VPS35L: variants seen among roughly 807,000 people sequenced by gnomAD.
VPS35L encodes the protein VPS35 endosomal protein-sorting factor-like.
In VPS35L, 83 loss-of-function variants were observed where a neutral mutation model predicts 133.0. The ratio of observed to expected loss-of-function variants is 0.62; its 90% CI spans 0.52 to 0.75. The LOEUF (loss-of-function observed/expected upper bound fraction) is 0.75, where lower values mean the gene tolerates loss of function less well. VPS35L is among the 30% of genes least tolerant of loss of function. The pLI is 0.00. For missense variants in VPS35L, 1,083 were observed against 1,206.8 expected (o/e 0.90, Z 1.52); for synonymous variants, 423 against 449.9 (o/e 0.94, Z 0.76).
chr16:19,666,919 T>TTTCTTCCTTTCTTC (rs1567470455), intron 26 of VPS35L, among the ~76,000 whole-genome samples: 33 of 90,248 alleles, frequency 3.7e-4, no homozygotes, highest in African/African-American at 2.0e-3. Context: ...TTTCTTTCTT[T>TTTCTTCCTTTCTTC]CTTTCTTTCT....
At chr16:19,684,935 A>G (rs1217230438) in intron 28 of VPS35L, among the ~76,000 whole-genome samples, 1 of 152,066 alleles carries the variant, frequency 6.6e-6, no homozygotes, top group Non-Finnish European at 1.5e-5. Flanking sequence ...GCAAGCGCCT[A>G]TAATCCCAGC....
chr16:19,609,320 T>C (rs762942303), intron 11 of VPS35L, among the ~76,000 whole-genome samples: 2 of 152,192 alleles, frequency 1.3e-5, no homozygotes, highest in Non-Finnish European at 2.9e-5. Context: ...TGTATGGTCT[T>C]GAACAAGTTA....
At chr16:19,626,668 A>G (rs1023118317) in intron 15 of VPS35L, among the ~76,000 whole-genome samples, 3 of 152,154 alleles carry the variant, frequency 2.0e-5, no homozygotes, top group African/African-American at 7.2e-5. Flanking sequence ...AGACTGGGGC[A>G]GGAGAATTGC....
rs530981981 is a variant in VPS35L at position 19,628,466 on chromosome 16, C to T, written c.1384-171C>T. On this transcript the variant is annotated intron_variant, in intron 16 of 30. Transcript: ENST00000417362. ...CAGATGGAGCTAACTCTGTGTGAGC[C>T]TCTCAGTGTAGCTGGGGCAGATATG... 8.3e-4 allele frequency among the ~76,000 whole-genome samples: 126 copies of T among 152,308 alleles called. 1 individual carries two copies. The highest frequency in any genetic ancestry group is 2.9e-3 in the African/African-American group (122 of 41,568).
At position 19,700,690 on chromosome 16, in the gene VPS35L, G is replaced by A; in HGVS notation, c.*214G>A. On this transcript the variant is annotated 3_prime_UTR_variant, in exon 31 of 31. Coordinates refer to ENST00000417362, the MANE Select transcript of VPS35L (RefSeq NM_020314.7). The stretch of plus-strand genomic sequence containing the variant: ...ATTAAAATGCAATCTTCACTAAGAA[G>A]CAGTCTCTGTGTTGTCTTTGCACAA... 1.8e-6 allele frequency: 1 copy of A among 546,350 alleles called. No homozygotes were observed. Among genetic ancestry groups the A allele is most frequent in the East Asian group, 2.9e-5 (1 of 34,768 alleles). The allele number at this position is 546,350 out of a possible 1,614,324, so 33.8% of individuals were successfully genotyped here. A position where few individuals can be genotyped will look rare whatever the true frequency, so the allele number is the denominator to read the frequency against.
chr16:19,557,018 G>A (rs1597293600), intron 1 of VPS35L, among the ~76,000 whole-genome samples: 1 of 152,152 alleles, frequency 6.6e-6, no homozygotes, highest in Non-Finnish European at 1.5e-5. Flanking sequence ...TGTAATCCCA[G>A]CTACTTGGGA....
chr16:19,579,246 T>G (rs1971632788), intron 6 of VPS35L, 118 bp downstream of exon 6: 1 of 928,338 alleles, frequency 1.1e-6, no homozygotes, highest in Non-Finnish European at 1.6e-6. Flanking sequence ...TTGTGCTTGG[T>G]CCTCTCGAGG....
Position 19,699,603 on chromosome 16 carries a change from G to A in VPS35L, c.2748G>A (p.Leu916=). The A allele has an allele frequency of 6.2e-7, 1 of 1,614,072 alleles. No individual in the cohort carries two copies. The highest frequency in any genetic ancestry group is 8.5e-7 in the Non-Finnish European group (1 of 1,180,042). The part of the protein sequence containing the change: ...NNKLNQLSVN[L]WHLAQRHGCA... ...AGCTCAACCAGCTCTCCGTCAACCT[G>A]TGGCACCTGGCACAGAGGCACGGCT... The change falls in exon 30 of 31, where the codon CTG becomes CTA. Residue 916 remains leucine, a synonymous_variant. Transcript: ENST00000417362. This position sits in a 1 kb window ranked among gnomAD's most constrained non-coding sequence, Gnocchi z 4.2.
At chr16:19,624,218 T>C (rs1003955728) in intron 14 of VPS35L, among the ~76,000 whole-genome samples, 2 of 146,254 alleles carry the variant, frequency 1.4e-5, no homozygotes, top group Non-Finnish European at 3.0e-5. Flanking sequence ...TGGGCTCAAG[T>C]GATCCTCCCA....
In VPS35L at chr16:19,669,192, G is replaced by C. The variant is rs1241678103; in HGVS notation, c.2254G>C (p.Val752Leu). The C allele has an allele frequency of 6.2e-7, 1 of 1,611,706 alleles. No homozygotes were observed. The highest frequency in any genetic ancestry group is 8.5e-7 in the Non-Finnish European group (1 of 1,178,256). Residue 752 changes from valine to leucine, a missense_variant, in exon 27 of 31, where the codon GTT becomes CTT. By Grantham distance (32) the Val-to-Leu change is conservative. Transcript: ENST00000417362. The part of the protein sequence containing the change: ...DAFFKAAISL[V>L]PEVPKMINID... The stretch of plus-strand genomic sequence containing the variant: ...TTTTTTCAAAGCCGCTATAAGCCTT[G>C]TTCCGGAAGTTCCAAAGATGATTAA...
chr16:19,613,710 G>A (rs1409855229), intron 12 of VPS35L, among the ~76,000 whole-genome samples: 1 of 152,196 alleles, frequency 6.6e-6, no homozygotes, highest in Non-Finnish European at 1.5e-5. Flanking sequence ...ACGTGGCCAT[G>A]GGTTGGGGTC....
intron 6 of VPS35L, among the ~76,000 whole-genome samples, chr16:19,580,740 A>T (rs1242420169): frequency 6.6e-6 from 1 of 152,070 alleles, no homozygotes; most frequent in Non-Finnish European, 1.5e-5. Context: ...TACTCCCCTG[A>T]GAGTTTGTCT....
rs112838515 is a variant in VPS35L, at chr16:19,590,934, G to A, written c.640-856G>A. Among the ~76,000 whole-genome samples, 467 of 152,158 alleles carry A rather than the reference G, an allele frequency of 3.1e-3. 1 individual carries two copies. The highest frequency in any genetic ancestry group is 0.011 in the African/African-American group (447 of 41,528). ...TGCACCAATGCACTCCAGCCCGAGCGACAGAGCAAGACCTTATCTCTAATA... is the reference window on the plus strand; with the variant it reads ...TGCACCAATGCACTCCAGCCCGAGCAACAGAGCAAGACCTTATCTCTAATA... On this transcript the variant is annotated intron_variant, in intron 7 of 30. Transcript: ENST00000417362.
chr16:19,601,593 T>C, intron 8 of VPS35L, 71 bp from the exon 9 acceptor site: 1 of 1,484,650 alleles, frequency 6.7e-7, no homozygotes, highest in African/African-American at 1.4e-5. Context: ...GGGTCCCTAA[T>C]TAACAAACAT....
chr16:19,567,649 C>G (rs774129782), intron 2 of VPS35L, among the ~76,000 whole-genome samples: 3 of 152,020 alleles, frequency 2.0e-5, no homozygotes, highest in Non-Finnish European at 4.4e-5. Context: ...GCATCTGACT[C>G]GACAGGTTTG....
chr16:19,672,191 A>T (rs960600485), intron 27 of VPS35L, among the ~76,000 whole-genome samples: 6 of 152,098 alleles, frequency 3.9e-5, no homozygotes, highest in Non-Finnish European at 7.4e-5. Flanking sequence ...GGCCTCAAGC[A>T]ATCCTCCTCC....
intron 7 of VPS35L, 63 bp from the exon 8 acceptor site, chr16:19,591,727 T>C: frequency 8.0e-7 from 1 of 1,251,256 alleles, no homozygotes; most frequent in Non-Finnish European, 1.2e-6. Flanking sequence ...TTTTCAGATC[T>C]GGAGTGTCCT....
At chr16:19,666,075 A>G (rs968376865) in intron 26 of VPS35L, among the ~76,000 whole-genome samples, 3 of 151,616 alleles carry the variant, frequency 2.0e-5, no homozygotes, top group African/African-American at 7.3e-5. Flanking sequence ...TGTTCTGGTT[A>G]TTAATCCTTT....
chr16:19,620,109 T>A (rs948905288), intron 14 of VPS35L, among the ~76,000 whole-genome samples: 4 of 152,232 alleles, frequency 2.6e-5, no homozygotes, highest in African/African-American at 9.6e-5. Context: ...CATGTCTTAG[T>A]CCGTTCGGGC....
Sources: allele counts gnomAD v4.1 joint callset (sites outside exome capture counted in the v4.1 genomes callset), GRCh38; gene constraint gnomAD v4.1.1; non-coding constraint Gnocchi (gnomAD v3.1); transcripts MANE v1.5; gene names NCBI Gene and HGNC (gene_info 2026-07-23, HGNC 2026-07-21).